DPP6: variants seen among roughly 807,000 people sequenced by gnomAD.
DPP6 encodes dipeptidyl peptidase like 6.
In DPP6, 69 loss-of-function variants were observed where a neutral mutation model predicts 122.6. The ratio of observed to expected loss-of-function variants is 0.56; its 90% CI spans 0.46 to 0.69. DPP6 has a LOEUF of 0.69. Ranked by LOEUF, DPP6 falls within the 30% of genes least tolerant of loss-of-function variation. The pLI is 0.00. For missense variants in DPP6, 928 were observed against 1,116.9 expected, an observed-to-expected ratio of 0.83 and a Z score of 2.41; for synonymous variants, 418 against 433.1, an observed-to-expected ratio of 0.97 and a Z score of 0.43.
chr7:154,031,869 T>G (rs1585203993), intron 1 of DPP6, among the ~76,000 whole-genome samples: 2 of 127,566 alleles, frequency 1.6e-5, no homozygotes, highest in African/African-American at 3.2e-5. Context: ...TTGTTTTTTT[T>G]TTTTTTTTGG....
intron 1 of DPP6, among the ~76,000 whole-genome samples, chr7:153,889,458 G>A (rs1228891883): frequency 1.3e-5 from 2 of 152,266 alleles, no homozygotes; most frequent in East Asian, 1.9e-4. Context: ...AAGGATTGAG[G>A]TTAATTATAC....
At chr7:154,768,564 A>G (rs80030367) in intron 8 of DPP6, among the ~76,000 whole-genome samples, 1 of 152,326 alleles carries the variant, frequency 6.6e-6, no homozygotes, top group South Asian at 2.1e-4. Context: ...GCTGTTCACA[A>G]TGAAATGGGT....
intron 5 of DPP6, among the ~76,000 whole-genome samples, chr7:154,612,297 TA>T (rs1306760132): frequency 6.6e-6 from 1 of 152,244 alleles, no homozygotes; most frequent in Non-Finnish European, 1.5e-5. Context: ...CCCCTCGTGA[TA>T]CTCTGACAGC....
chr7:154,542,721 C>T (rs947349232), intron 4 of DPP6, among the ~76,000 whole-genome samples: 5 of 152,168 alleles, frequency 3.3e-5, no homozygotes, highest in Non-Finnish European at 7.3e-5. Flanking sequence ...CAAATATGTA[C>T]AGCCTAATGG....
At chr7:153,777,422 TA>T in the DPP6 span, among the ~76,000 whole-genome samples, 1 of 138,228 alleles carries the variant, frequency 7.2e-6, no homozygotes, top group East Asian at 2.1e-4. Flanking sequence ...TGTGCTCACA[TA>T]AAAACCTGTA....
At chr7:153,795,038 A>G in the DPP6 span, among the ~76,000 whole-genome samples, 67,159 of 152,026 alleles carry the variant, frequency 0.44, 15,081 homozygotes, top group South Asian at 0.54. Flanking sequence ...GACTAATACA[A>G]GTACATTTGG....
chr7:154,158,255 A>G (rs966684674), intron 1 of DPP6, among the ~76,000 whole-genome samples: 11 of 151,278 alleles, frequency 7.3e-5, no homozygotes, highest in Admixed American at 1.3e-4. Context: ...TTCTATCTCA[A>G]TAACTACCCA....
intron 1 of DPP6, among the ~76,000 whole-genome samples, chr7:154,084,740 A>C (rs1585340997): frequency 6.8e-6 from 1 of 146,384 alleles, no homozygotes; most frequent in African/African-American, 2.5e-5. Flanking sequence ...CTGTAATCCC[A>C]GCACTTTGGG....
chr7:154,524,247 T>TA (rs1827227812), intron 3 of DPP6, among the ~76,000 whole-genome samples: 1 of 152,252 alleles, frequency 6.6e-6, no homozygotes, highest in Non-Finnish European at 1.5e-5. Context: ...TTGTGCTTTC[T>TA]AAAATGTATT....
At chr7:153,990,541 A>G (rs1797118440) in intron 1 of DPP6, among the ~76,000 whole-genome samples, 1 of 152,028 alleles carries the variant, frequency 6.6e-6, no homozygotes, top group Non-Finnish European at 1.5e-5. Flanking sequence ...TTTGCCTTTT[A>G]GTACCAGTTC....
At chr7:154,766,411 A>C (rs1031944706) in intron 8 of DPP6, among the ~76,000 whole-genome samples, 2 of 152,150 alleles carry the variant, frequency 1.3e-5, no homozygotes, top group Non-Finnish European at 2.9e-5. Context: ...TCCCAGGTTC[A>C]AGTAATGATT....
intron 1 of DPP6, among the ~76,000 whole-genome samples, chr7:154,193,587 A>G (rs1336574001): frequency 6.6e-6 from 1 of 152,116 alleles, no homozygotes; most frequent in Non-Finnish European, 1.5e-5. Flanking sequence ...CCTGCAGGTG[A>G]GAGGTCTGCA....
At chr7:154,838,445 CAA>C (rs1203449548) in intron 16 of DPP6, 1 of 152,022 alleles carries the variant, frequency 6.6e-6, no homozygotes, top group East Asian at 1.9e-4. Context: ...AATGTGGGGC[CAA>C]AAAGGTTAAG....
intron 3 of DPP6, among the ~76,000 whole-genome samples, chr7:154,498,481 G>A (rs929373776): frequency 6.6e-6 from 1 of 152,100 alleles, no homozygotes; most frequent in Non-Finnish European, 1.5e-5. Flanking sequence ...GGGACTACAG[G>A]CACATGCCAC....
chr7:153,908,863 C>G (rs1388023114), intron 1 of DPP6, among the ~76,000 whole-genome samples: 1 of 152,124 alleles, frequency 6.6e-6, no homozygotes, highest in East Asian at 1.9e-4. Context: ...AAGCGATTCT[C>G]CTGCCTCAGC....
At chr7:154,179,375 A>G (rs764840340) in intron 1 of DPP6, among the ~76,000 whole-genome samples, 33 of 152,220 alleles carry the variant, frequency 2.2e-4, no homozygotes, top group Non-Finnish European at 4.1e-4. Flanking sequence ...ACTGAAGGGT[A>G]TTTAACGGGC....
intron 1 of DPP6, among the ~76,000 whole-genome samples, chr7:154,217,211 T>C (rs1800056560): frequency 6.6e-6 from 1 of 152,026 alleles, no homozygotes; most frequent in East Asian, 1.9e-4. Context: ...ACAAGGACAG[T>C]TTGAGGGTTT....
chr7:154,590,855 C>T (rs1049760021), intron 5 of DPP6, among the ~76,000 whole-genome samples: 2 of 151,894 alleles, frequency 1.3e-5, no homozygotes, highest in Non-Finnish European at 2.9e-5. Context: ...TTACTCAAAC[C>T]AAAAAATATA....
intron 1 of DPP6, among the ~76,000 whole-genome samples, chr7:154,285,029 C>G (rs1177261265): frequency 6.6e-6 from 1 of 152,100 alleles, no homozygotes; most frequent in Non-Finnish European, 1.5e-5. Flanking sequence ...ACATGTATTG[C>G]TTAATGACTA....
Sources: allele counts gnomAD v4.1 joint callset (sites outside exome capture counted in the v4.1 genomes callset), GRCh38; gene constraint gnomAD v4.1.1; transcripts MANE v1.5; gene names NCBI Gene and HGNC (gene_info 2026-07-23, HGNC 2026-07-21).